KIF21A: variants seen among roughly 807,000 people sequenced by gnomAD.
KIF21A encodes the protein kinesin family member 21A.
In KIF21A, 114 loss-of-function variants were observed where a neutral mutation model predicts 202.9. The ratio of observed to expected loss-of-function variants is 0.56; its 90% confidence interval spans 0.48 to 0.66. KIF21A has a LOEUF of 0.66. Ranked by LOEUF, KIF21A falls within the 30% of genes least tolerant of loss-of-function variation. The probability of loss-of-function intolerance (pLI) is 0.00; values close to 1 mark genes in which losing one functional copy is unlikely to be tolerated. For synonymous variants in KIF21A, 667 were observed against 670.8 expected (o/e 0.99, Z 0.09); for missense variants, 1,677 against 1,994.9 (o/e 0.84, Z 3.04).
chr12:39,436,448 A>ATATATATATATATATATTTT (rs1387332677), intron 1 of KIF21A, among the ~76,000 whole-genome samples: 77 of 95,722 alleles, frequency 8.0e-4, no homozygotes, highest in African/African-American at 2.1e-3. Context: ...ATATATATAT[A>ATATATATATATATATATTTT]TTTTTTTTTT....
Position 39,294,214 on chromosome 12 carries a change from A to C in KIF21A, c.*210T>G. The C allele has an allele frequency of 2.0e-6, 1 of 512,610 alleles. No homozygotes were observed. The highest frequency in any genetic ancestry group is 2.2e-5 in the South Asian group (1 of 46,338). 31.8% of individuals were successfully genotyped at this position (512,610 alleles called of 1,614,324 possible). Reference sequence around the variant, plus strand: ...AATAAAGCAATATATCAATTGTAGGATATATATCTATTGGTTGATCTTAAA... The same window carrying C: ...AATAAAGCAATATATCAATTGTAGGCTATATATCTATTGGTTGATCTTAAA... On this transcript the variant is annotated 3_prime_UTR_variant, in exon 38 of 38. Coordinates refer to ENST00000361418, the MANE Select transcript of KIF21A (RefSeq NM_001173464.2).
chr12:39,316,327 A>C (rs939791080), intron 29 of KIF21A, among the ~76,000 whole-genome samples: 1 of 151,988 alleles, frequency 6.6e-6, no homozygotes, highest in Non-Finnish European at 1.5e-5. Context: ...TCCTGGAAAA[A>C]TTTTCCCATT....
chr12:39,332,062 C>T, intron 21 of KIF21A, 152 bp downstream of exon 21: 1 of 728,682 alleles, frequency 1.4e-6, no homozygotes, highest in South Asian at 1.7e-5. Flanking sequence ...ATCTGAAAAG[C>T]AAGCAGGAAG....
chr12:39,326,734 G>C (rs184364883), intron 24 of KIF21A, among the ~76,000 whole-genome samples: 1 of 152,310 alleles, frequency 6.6e-6, no homozygotes, highest in Admixed American at 6.5e-5. Flanking sequence ...ACTACATAAA[G>C]TGTAAATATA....
intron 31 of KIF21A, chr12:39,312,081 A>T (rs1592076132): frequency 6.5e-6 from 1 of 153,434 alleles, no homozygotes. Context: ...AAGATCAAAA[A>T]CTTAAAGAAC....
intron 1 of KIF21A, among the ~76,000 whole-genome samples, chr12:39,398,304 A>G (rs920953051): frequency 1.3e-5 from 2 of 152,182 alleles, no homozygotes; most frequent in Admixed American, 6.5e-5. Context: ...AAAGATATAA[A>G]CACACAAAAA....
chr12:39,307,094 A>C (rs1592050158), intron 34 of KIF21A, among the ~76,000 whole-genome samples: 1 of 152,150 alleles, frequency 6.6e-6, no homozygotes, highest in African/African-American at 2.4e-5. Context: ...TTATCTTCTT[A>C]ATACTTCATA....
intron 17 of KIF21A, among the ~76,000 whole-genome samples, chr12:39,335,763 C>T (rs1018833511): frequency 2.6e-5 from 4 of 151,862 alleles, no homozygotes; most frequent in Admixed American, 6.6e-5. Context: ...AGGAACAAAT[C>T]GATAAAAACA....
chr12:39,303,322 C>G (rs1340879684), intron 35 of KIF21A, among the ~76,000 whole-genome samples, 187 bp from the exon 36 acceptor site: 3 of 152,056 alleles, frequency 2.0e-5, no homozygotes, highest in African/African-American at 7.2e-5. Context: ...TAAGGTCTCA[C>G]TATGTTTCCC....
intron 1 of KIF21A, among the ~76,000 whole-genome samples, chr12:39,381,306 CA>C (rs542073175): frequency 0.011 from 726 of 64,906 alleles, 2 homozygotes; most frequent in African/African-American, 0.026. Flanking sequence ...GACTCTGTCT[CA>C]AAAAAAAAAA....
intron 17 of KIF21A, among the ~76,000 whole-genome samples, chr12:39,334,072 G>A (rs1204605953): frequency 6.6e-6 from 1 of 151,476 alleles, no homozygotes; most frequent in Non-Finnish European, 1.5e-5. Context: ...ATGGTGGCAC[G>A]TGCCTCCAAT....
chr12:39,303,152 A>G lies in KIF21A; in HGVS notation c.4561-17T>C. ...ATCAAACATCTAAAAAGGTAGAAAC[A>G]AAGCAGTTATCCTATTTAACTTGCA... On this transcript the variant is annotated splice_polypyrimidine_tract_variant and intron_variant, in intron 35 of 37. Coordinates refer to ENST00000361418, the MANE Select transcript of KIF21A (RefSeq NM_001173464.2). 1 of 1,613,130 alleles carries G rather than the reference A, an allele frequency of 6.2e-7. No homozygotes were observed. The highest frequency in any genetic ancestry group is 8.5e-7 in the Non-Finnish European group (1 of 1,179,164).
intron 1 of KIF21A, among the ~76,000 whole-genome samples, chr12:39,438,359 A>G (rs1207985345): frequency 6.6e-6 from 1 of 152,156 alleles, no homozygotes; most frequent in Non-Finnish European, 1.5e-5. Flanking sequence ...CTGCAGTTTG[A>G]CTAACAACAA....
intron 1 of KIF21A, among the ~76,000 whole-genome samples, chr12:39,385,756 T>C (rs1950900905): frequency 6.6e-6 from 1 of 152,144 alleles, no homozygotes; most frequent in African/African-American, 2.4e-5. Context: ...TTATACCTCA[T>C]TAAGTATTAA....
chr12:39,335,093 A>C (rs1488731697), intron 17 of KIF21A, among the ~76,000 whole-genome samples: 17 of 152,200 alleles, frequency 1.1e-4, no homozygotes, highest in Admixed American at 1.1e-3. Context: ...TACATGTTAT[A>C]ACATGGCTGA....
Position 39,340,832 on chromosome 12 carries a change from T to C in KIF21A, c.2110+74A>G, listed in dbSNP as rs1947381004. 3 of 1,084,462 alleles carry C rather than the reference T, an allele frequency of 2.8e-6. No individual in the cohort carries two copies. The East Asian group carries it at 7.4e-5, about 27-fold the overall frequency. 67.2% of individuals were successfully genotyped at this position (1,084,462 alleles called of 1,614,324 possible). ...TTTAATACGGCTTCTATTTTTTTTC[T>C]TCTAAAGGAAAAGATAAAAACCCAT... On this transcript the variant is annotated intron_variant, in intron 15 of 37. Transcript: ENST00000361418.
In KIF21A at chr12:39,331,711, G is replaced by C; in HGVS notation, c.3132C>G (p.Phe1044Leu). ...LTEARYLLDH[F>L]LSMGINKGLQ... is the part of the protein sequence containing the mutation. Reference sequence around the variant, plus strand: ...TTACCTTATTGATGCCCATTGACAGGAAGTGATCTAGCAGGTATCGGGCTT... The same window carrying C: ...TTACCTTATTGATGCCCATTGACAGCAAGTGATCTAGCAGGTATCGGGCTT... The change falls in exon 22 of 38, where the codon TTC becomes TTG. Residue 1044 changes from phenylalanine to leucine, a missense_variant. Physicochemically the swap from Phe to Leu is conservative, Grantham distance 22 (BLOSUM62 0). Coordinates refer to ENST00000361418, the MANE Select transcript of KIF21A (RefSeq NM_001173464.2). 1 of 1,612,644 alleles carries C rather than the reference G, an allele frequency of 6.2e-7. No individual in the cohort carries two copies. Among genetic ancestry groups the C allele is most frequent in the African/African-American group, 1.3e-5 (1 of 75,012 alleles).
intron 1 of KIF21A, among the ~76,000 whole-genome samples, chr12:39,386,181 T>C (rs1407537852): frequency 1.3e-5 from 2 of 152,208 alleles, no homozygotes; most frequent in Non-Finnish European, 2.9e-5. Context: ...GATGTGGTCA[T>C]GTGTCCAACT....
At chr12:39,359,255 C>G (rs539111886) in intron 7 of KIF21A, among the ~76,000 whole-genome samples, 1 of 152,286 alleles carries the variant, frequency 6.6e-6, no homozygotes, top group South Asian at 2.1e-4. Flanking sequence ...CTTGCTTACC[C>G]TTACTGTTAC....
Sources: gnomAD v4.1 joint callset for allele counts (sites outside exome capture counted in the v4.1 genomes callset) on GRCh38, gnomAD v4.1.1 for gene constraint, MANE v1.5 for transcripts, NCBI Gene and HGNC (gene_info 2026-07-23, HGNC 2026-07-21) for gene names.